The following GREB1 variants were observed in gnomAD, a reference collection of about 807,000 sequenced individuals.
The protein encoded by GREB1 is protein GREB1.
In GREB1, 106 loss-of-function variants were observed where a neutral mutation model predicts 200.7. The observed-to-expected ratio is 0.53, with a 90% CI of 0.45 to 0.62. The LOEUF is 0.62. Ranked by LOEUF, GREB1 falls within the 20% of genes least tolerant of loss-of-function variation. GREB1 has a pLI of 0.00. For synonymous variants in GREB1, 1,132 were observed against 1,092.4 expected, an observed-to-expected ratio of 1.04 and a Z score of -0.72; for missense variants, 2,243 against 2,556.8, an observed-to-expected ratio of 0.88 and a Z score of 2.65.
intron 1 of GREB1, among the ~76,000 whole-genome samples, chr2:11,507,106 A>T (rs575699854): frequency 3.9e-5 from 6 of 152,288 alleles, no homozygotes; most frequent in Admixed American, 2.0e-4. Flanking sequence ...GTATTTTTTC[A>T]TGATTAATTA....
intron 1 of GREB1, among the ~76,000 whole-genome samples, chr2:11,504,274 T>A (rs558516465): frequency 6.6e-6 from 1 of 152,322 alleles, no homozygotes; most frequent in South Asian, 2.1e-4. Flanking sequence ...CTGCTAAGAA[T>A]GGCATGCAAT....
chr2:11,517,152 C>T (rs1475360428), intron 1 of GREB1, among the ~76,000 whole-genome samples: 1 of 152,092 alleles, frequency 6.6e-6, no homozygotes, highest in Non-Finnish European at 1.5e-5. Flanking sequence ...TCCTGTGGAC[C>T]CCTCCAAGGC....
intron 18 of GREB1, chr2:11,612,254 G>T: frequency 8.8e-7 from 1 of 1,133,472 alleles, no homozygotes; most frequent in South Asian, 2.1e-5. Context: ...TCACGGAGCT[G>T]GTCAGCTGAT....
chr2:11,614,125 ATTTTTT>A (rs34678522), intron 19 of GREB1, among the ~76,000 whole-genome samples: 2 of 99,510 alleles, frequency 2.0e-5, no homozygotes, highest in African/African-American at 5.7e-5. Flanking sequence ...GCGGACTTAG[ATTTTTT>A]TTTTTTTTTT....
chr2:11,564,719 C>T (rs945413896), intron 3 of GREB1, among the ~76,000 whole-genome samples: 3 of 152,210 alleles, frequency 2.0e-5, no homozygotes, highest in Admixed American at 6.5e-5. Flanking sequence ...AGGGAATTGA[C>T]CTCCCTTTCC....
chr2:11,589,045 G>A (rs1468752254), intron 10 of GREB1, 114 bp downstream of exon 10: 2 of 784,458 alleles, frequency 2.5e-6, no homozygotes, highest in Non-Finnish European at 4.3e-6. Flanking sequence ...AAATACATGG[G>A]GAGAGCTTAT....
intron 1 of GREB1, chr2:11,542,910 C>G (rs1230038193): frequency 6.6e-6 from 1 of 152,418 alleles, no homozygotes; most frequent in Non-Finnish European, 1.5e-5. Context: ...TAAATTAAAG[C>G]CGCAGATGTG....
At chr2:11,582,620 C>T (rs1679618624) in intron 7 of GREB1, among the ~76,000 whole-genome samples, 1 of 152,202 alleles carries the variant, frequency 6.6e-6, no homozygotes, top group Admixed American at 6.5e-5. Flanking sequence ...GCCATCGGGG[C>T]CTCGGCGCTG....
intron 1 of GREB1, among the ~76,000 whole-genome samples, chr2:11,539,078 G>A (rs1369504671): frequency 7.9e-6 from 1 of 126,368 alleles, no homozygotes; most frequent in Non-Finnish European, 1.5e-5. Flanking sequence ...CTTATGATAG[G>A]GTCTCACTTT....
chr2:11,584,894 T>C (rs1679912921), intron 7 of GREB1: 1 of 314,830 alleles, frequency 3.2e-6, no homozygotes, highest in South Asian at 7.2e-5. Context: ...CGCACTAAGT[T>C]TGGCATCAAT....
Position 11,610,977 on chromosome 2 carries a change from A to G in GREB1, c.2956A>G (p.Ser986Gly). Residue 986 changes from serine (S) to glycine (G), a missense_variant, in exon 18 of 33, where the codon AGT becomes GGT. By Grantham distance (56) the Ser-to-Gly change is moderately conservative (BLOSUM62 0). Transcript: ENST00000381486. ...GGAGCACTTTGAGATCATCCTGGGC[A>G]GTCCCAGCTCAGGCGTCACCGTGGG... ...LEEHFEIILG[S>G]PSSGVTVGKH... 1 of 1,607,878 alleles carries G rather than the reference A, an allele frequency of 6.2e-7. No individual in the cohort carries two copies. The highest frequency in any genetic ancestry group is 1.1e-5 in the South Asian group (1 of 90,284).
intron 7 of GREB1, 99 bp from the exon 8 acceptor site, chr2:11,585,062 A>AC: frequency 5.1e-6 from 3 of 590,698 alleles, no homozygotes; most frequent in South Asian, 4.0e-5. Flanking sequence ...AGAAAAAAAA[A>AC]AACAAAACAA....
At chr2:11,564,954 T>C (rs79059671) in intron 3 of GREB1, among the ~76,000 whole-genome samples, 8,743 of 152,038 alleles carry the variant, frequency 0.058, 889 homozygotes, top group African/African-American at 0.2. Context: ...AACCATCAGA[T>C]CTCATGAGAC....
chr2:11,611,131 C>A (rs887560901), intron 18 of GREB1, 104 bp downstream of exon 18: 14 of 1,001,230 alleles, frequency 1.4e-5, no homozygotes, highest in Non-Finnish European at 2.0e-5. Context: ...GCGTGGCCAA[C>A]GTGGCTTCCC....
intron 9 of GREB1, chr2:11,587,499 C>T: frequency 1.9e-6 from 3 of 1,598,536 alleles, no homozygotes; most frequent in South Asian, 1.1e-5. Context: ...TCAGGCCCCA[C>T]TTCTGCATCA....
rs1205034579 is a variant in GREB1 at position 11,629,874 on chromosome 2, A to C, written c.4450-74A>C. On this transcript the variant is annotated intron_variant, in intron 25 of 32. Transcript: ENST00000381486. This position sits in a 1 kb window ranked among gnomAD's most constrained non-coding sequence, Gnocchi z 5.2. The stretch of plus-strand genomic sequence containing the variant: ...ACTGTGAGCTGCACGTTGTCACAGC[A>C]GAGTGGGCCTGGGGTCTTCTGGGAA... 1.8e-5 allele frequency: 26 copies of C among 1,454,466 alleles called. No individual in the cohort carries two copies. The highest frequency in any genetic ancestry group is 2.3e-5 in the Non-Finnish European group (24 of 1,048,846). 90.1% of individuals were successfully genotyped at this position (1,454,466 alleles called of 1,614,324 possible). A position where few individuals can be genotyped will look rare whatever the true frequency, so the allele number is the denominator to read the frequency against.
rs181052448 is a variant in GREB1 at position 11,637,289 on chromosome 2, C to T, written c.5347-427C>T. Among the ~76,000 whole-genome samples the T allele has an allele frequency of 5.4e-5, 8 of 147,962 alleles. 1 individual carries two copies. Among genetic ancestry groups the T allele is most frequent in the Admixed American group, 3.4e-4 (5 of 14,916 alleles). ...AGAGTCTGATTTACGTAGATGTAAACGTGTTGGTGATGGAGCAAGAGCCTG... is the reference window on the plus strand; with the variant it reads ...AGAGTCTGATTTACGTAGATGTAAATGTGTTGGTGATGGAGCAAGAGCCTG... On this transcript the variant is annotated intron_variant, in intron 30 of 32. Coordinates refer to ENST00000381486, the MANE Select transcript of GREB1 (RefSeq NM_014668.4).
At chr2:11,494,304 C>T (rs895685331) in intron 1 of GREB1, among the ~76,000 whole-genome samples, 2 of 152,234 alleles carry the variant, frequency 1.3e-5, no homozygotes, top group Admixed American at 6.5e-5. Context: ...TTATCAGACA[C>T]CCTCTGGATC....
At chr2:11,561,549 G>A (rs1677038622) in intron 2 of GREB1, 1 of 151,976 alleles carries the variant, frequency 6.6e-6, no homozygotes, top group Admixed American at 6.6e-5. Context: ...ATTTTCAGTA[G>A]AGACAGGGTT....
Sources: allele counts gnomAD v4.1 joint callset (sites outside exome capture counted in the v4.1 genomes callset), GRCh38; gene constraint gnomAD v4.1.1; non-coding constraint Gnocchi (gnomAD v3.1); transcripts MANE v1.5; gene names NCBI Gene and HGNC (gene_info 2026-07-23, HGNC 2026-07-21).